Variants in TIAM2 observed in about 807,000 individuals in gnomAD.
TIAM2 encodes the protein TIAM Rac1 associated GEF 2.
In TIAM2, 80 loss-of-function variants were observed where a neutral mutation model predicts 152.9. The observed-to-expected ratio is 0.52, with a 90% CI of 0.44 to 0.63. TIAM2 has a LOEUF of 0.63. Ranked by LOEUF, TIAM2 falls within the 30% of genes least tolerant of loss-of-function variation. The probability of loss-of-function intolerance (pLI) is 0.00; values close to 1 mark genes in which losing one functional copy is unlikely to be tolerated. For missense variants in TIAM2, 1,965 were observed against 2,120.1 expected, an observed-to-expected ratio of 0.93 and a Z score of 1.44; for synonymous variants, 804 against 838.0, an observed-to-expected ratio of 0.96 and a Z score of 0.70.
At chr6:155,192,496 G>A (rs544553116) in intron 14 of TIAM2, among the ~76,000 whole-genome samples, 29 of 152,182 alleles carry the variant, frequency 1.9e-4, no homozygotes, top group South Asian at 1.2e-3. Flanking sequence ...TTAGTTATGC[G>A]GGCCACATCT....
At chr6:155,062,095 C>T (rs1205161314) in intron 1 of TIAM2, among the ~76,000 whole-genome samples, 45 of 149,044 alleles carry the variant, frequency 3.0e-4, no homozygotes, top group East Asian at 1.6e-3. Context: ...GCCCCCCCAC[C>T]GCCCCCGCGC....
At chr6:155,199,806 T>C (rs1365891995) in intron 14 of TIAM2, among the ~76,000 whole-genome samples, 1 of 152,240 alleles carries the variant, frequency 6.6e-6, no homozygotes, top group Admixed American at 6.5e-5. Flanking sequence ...TAAGGCTTCC[T>C]AATAATAGCA....
intron 2 of TIAM2, among the ~76,000 whole-genome samples, chr6:155,124,545 G>A (rs1282991047): frequency 6.6e-6 from 1 of 151,836 alleles, no homozygotes; most frequent in Non-Finnish European, 1.5e-5. Context: ...GATCAGGCTG[G>A]TCTCGAACTC....
chr6:154,997,800 G>A (rs1778243994), intron 1 of TIAM2, among the ~76,000 whole-genome samples: 2 of 151,500 alleles, frequency 1.3e-5, no homozygotes, highest in African/African-American at 2.4e-5. Flanking sequence ...CACCACACCT[G>A]GCTAATTAAA....
intron 1 of TIAM2, among the ~76,000 whole-genome samples, chr6:155,020,515 G>C (rs936899945): frequency 6.6e-6 from 1 of 152,160 alleles, no homozygotes; most frequent in African/African-American, 2.4e-5. Flanking sequence ...AGGCTGGAGT[G>C]CAGTGGCGCA....
intron 2 of TIAM2, among the ~76,000 whole-genome samples, chr6:155,103,792 C>T (rs1451138894): frequency 7.2e-6 from 1 of 138,962 alleles, no homozygotes; most frequent in Non-Finnish European, 1.6e-5. Flanking sequence ...ATTAATTGTT[C>T]TTCTGATCTT....
chr6:155,107,400 C>G (rs191315538), intron 2 of TIAM2, among the ~76,000 whole-genome samples: 1 of 152,152 alleles, frequency 6.6e-6, no homozygotes, highest in Non-Finnish European at 1.5e-5. Flanking sequence ...CAGTTGCCTG[C>G]GCCGTTTTAC....
chr6:154,997,861 C>T (rs1033309349), intron 1 of TIAM2, among the ~76,000 whole-genome samples: 4 of 151,986 alleles, frequency 2.6e-5, no homozygotes, highest in African/African-American at 9.7e-5. Context: ...TGGTCTCAAA[C>T]ACCTGAGCTC....
chr6:155,243,586 C>A (rs1783160702), intron 16 of TIAM2, among the ~76,000 whole-genome samples: 1 of 152,048 alleles, frequency 6.6e-6, no homozygotes, highest in African/African-American at 2.4e-5. Flanking sequence ...GTGGCTCACG[C>A]CTGTAATGCT....
chr6:155,028,901 ATC>A (rs1776715546), intron 1 of TIAM2, among the ~76,000 whole-genome samples: 1 of 108,488 alleles, frequency 9.2e-6, no homozygotes, highest in Non-Finnish European at 1.7e-5. Context: ...TGTATATACT[ATC>A]TATACTATGT....
rs747742132 is a variant in TIAM2 at position 155,248,157 on chromosome 6, C to T, written c.3810C>T (p.Ser1270=). The part of the protein sequence containing the change: ...KELVSLTDQE[S]EEHYHLTEAL... The stretch of plus-strand genomic sequence containing the variant: ...TGGTGTCCCTGACGGACCAGGAGAG[C>T]GAGGAGCACTACCACCTGACGGGTG... Residue 1270 remains serine (S), a synonymous_variant, in exon 20 of 27, where the codon AGC becomes AGT. Coordinates refer to ENST00000682666, the MANE Select transcript of TIAM2 (RefSeq NM_012454.4). 16 of 1,613,736 alleles carry T rather than the reference C, an allele frequency of 9.9e-6. No individual in the cohort carries two copies. Among genetic ancestry groups the T allele is most frequent in the South Asian group, 6.6e-5 (6 of 91,080 alleles).
chr6:155,129,163 A>C lies in TIAM2; in HGVS notation c.-6-55A>C. On this transcript the variant is annotated intron_variant, in intron 3 of 26. Transcript: ENST00000682666. The surrounding 1 kb of genome is among the most constrained non-coding windows in gnomAD (Gnocchi z 4.8). ...GGCATTCTTTTTAGAAAGTTCTGTCATAATGGAATGTAATTTAGGCCACGG... is the reference window on the plus strand; with the variant it reads ...GGCATTCTTTTTAGAAAGTTCTGTCCTAATGGAATGTAATTTAGGCCACGG... The C allele has an allele frequency of 6.6e-7, 1 of 1,515,230 alleles. No individual in the cohort carries two copies. The highest frequency in any genetic ancestry group is 9.0e-7 in the Non-Finnish European group (1 of 1,107,054). 93.9% of individuals were successfully genotyped at this position (1,515,230 alleles called of 1,614,324 possible).
intron 23 of TIAM2, 77 bp from the exon 24 acceptor site, chr6:155,252,871 C>T: frequency 7.4e-7 from 1 of 1,348,892 alleles, no homozygotes. Context: ...AGAACATAAA[C>T]TTCTATTCAC....
chr6:155,225,328 A>G (rs1782205207), intron 15 of TIAM2, among the ~76,000 whole-genome samples: 1 of 152,180 alleles, frequency 6.6e-6, no homozygotes, highest in African/African-American at 2.4e-5. Flanking sequence ...GGCCCGGGTG[A>G]CACACCCATC....
At chr6:155,005,201 C>G in intron 1 of TIAM2, 1 of 226,640 alleles carries the variant, frequency 4.4e-6, no homozygotes, top group Admixed American at 4.1e-5. Flanking sequence ...TCACCTCCAC[C>G]CTGGAGGCCT....
At chr6:155,240,761 T>C in intron 16 of TIAM2, 52 bp downstream of exon 16, 1 of 1,555,304 alleles carries the variant, frequency 6.4e-7, no homozygotes, top group Non-Finnish European at 8.7e-7. Flanking sequence ...TGATGGCAAG[T>C]GGTATGCTGG....
At chr6:155,102,402 T>C (rs1778571176) in intron 2 of TIAM2, among the ~76,000 whole-genome samples, 1 of 152,224 alleles carries the variant, frequency 6.6e-6, no homozygotes, top group African/African-American at 2.4e-5. Flanking sequence ...CACTTTATGA[T>C]GAAGGATATG....
At chr6:155,215,333 C>T (rs1264418046) in intron 15 of TIAM2, among the ~76,000 whole-genome samples, 1 of 152,086 alleles carries the variant, frequency 6.6e-6, no homozygotes, top group Non-Finnish European at 1.5e-5. Context: ...AAATTGGGGC[C>T]GTCTGAGCTT....
intron 2 of TIAM2, among the ~76,000 whole-genome samples, chr6:155,104,584 C>T (rs367615390): frequency 3.0e-4 from 46 of 151,960 alleles, no homozygotes; most frequent in South Asian, 6.2e-4. Flanking sequence ...AGTGAAACCC[C>T]GTCTCTACTA....
Sources: gnomAD v4.1 joint callset for allele counts (sites outside exome capture counted in the v4.1 genomes callset) on GRCh38, gnomAD v4.1.1 for gene constraint, Gnocchi (gnomAD v3.1) non-coding constraint, MANE v1.5 for transcripts, NCBI Gene and HGNC (gene_info 2026-07-23, HGNC 2026-07-21) for gene names.